COL5A1: variants seen among roughly 807,000 people sequenced by gnomAD.
The protein encoded by COL5A1 is collagen type V alpha 1 chain.
A neutral mutation model predicts 263.7 loss-of-function variants in COL5A1; 16 were observed. The observed-to-expected ratio is 0.06, with a 90% CI of 0.04 to 0.09. The LOEUF (loss-of-function observed/expected upper bound fraction) is 0.09, where lower values mean the gene tolerates loss of function less well. Ranked by LOEUF, COL5A1 falls within the 10% of genes least tolerant of loss-of-function variation. The pLI, the probability that COL5A1 is intolerant of heterozygous loss-of-function variation, is 1.00. For synonymous variants in COL5A1, 1,012 were observed against 1,004.5 expected (o/e 1.01, Z -0.14); for missense variants, 2,036 against 2,540.5 (o/e 0.80, Z 4.27).
intron 1 of COL5A1, among the ~76,000 whole-genome samples, chr9:134,653,630 C>T (rs982464466): frequency 5.3e-5 from 8 of 152,220 alleles, no homozygotes; most frequent in African/African-American, 1.9e-4. Context: ...GGACCAGGCT[C>T]TGCAGAGCCA....
chr9:134,695,252 C>G (rs889199560), intron 2 of COL5A1, among the ~76,000 whole-genome samples: 20 of 152,342 alleles, frequency 1.3e-4, no homozygotes, highest in Middle Eastern at 6.8e-3. Flanking sequence ...TGCCCACACC[C>G]CCCTGCCCCT....
chr9:134,833,723 C>T (rs1403180845), intron 64 of COL5A1, among the ~76,000 whole-genome samples: 3 of 152,220 alleles, frequency 2.0e-5, no homozygotes, highest in South Asian at 2.1e-4. Context: ...GCTCACTCCC[C>T]GAGGCCTCGT....
chr9:134,752,269 A>T (rs1331145610), intron 13 of COL5A1, among the ~76,000 whole-genome samples: 2 of 150,462 alleles, frequency 1.3e-5, no homozygotes, highest in African/African-American at 2.5e-5. Context: ...GCCAAGGGTG[A>T]TGGGCTGGGA....
Position 134,752,282 on chromosome 9 carries a change from A to C in COL5A1, c.1663-307A>C, listed in dbSNP as rs575233364. Among the ~76,000 whole-genome samples, 40 of 150,532 alleles carry C rather than the reference A, an allele frequency of 2.7e-4. 1 individual carries two copies. The highest frequency in any genetic ancestry group is 3.4e-3 in the Middle Eastern group (1 of 294). On this transcript the variant is annotated intron_variant, in intron 13 of 65. Transcript: ENST00000371817. ...TAGCCAAGGGTGATGGGCTGGGAGC[A>C]GGCCCTCTCTGTGTGGGCTAGAGAG...
intron 1 of COL5A1, among the ~76,000 whole-genome samples, chr9:134,669,220 C>CCCTCCCTTCCCTTT (rs1832455120): frequency 1.2e-5 from 1 of 85,874 alleles, no homozygotes; most frequent in Non-Finnish European, 2.2e-5. Flanking sequence ...CTTTTCCCTT[C>CCCTCCCTTCCCTTT]CCTTCCCTTC....
At chr9:134,782,772 C>A in intron 29 of COL5A1, 52 bp downstream of exon 29, 1 of 1,541,132 alleles carries the variant, frequency 6.5e-7, no homozygotes, top group Non-Finnish European at 9.0e-7. Context: ...GTGGGCTTGG[C>A]CGTGTGGGAG....
intron 2 of COL5A1, among the ~76,000 whole-genome samples, chr9:134,692,884 C>T (rs1833332354): frequency 1.3e-5 from 2 of 151,974 alleles, no homozygotes; most frequent in Admixed American, 1.3e-4. Flanking sequence ...ACCAGCCTGG[C>T]CAACATAGTG....
Position 134,682,643 on chromosome 9 carries a change from A to G in COL5A1, c.110-8269A>G, listed in dbSNP as rs562111934. On this transcript the variant is annotated intron_variant, in intron 1 of 65. Transcript: ENST00000371817. This position sits in a 1 kb window ranked among gnomAD's most constrained non-coding sequence, Gnocchi z 5.1. Reference sequence around the variant, plus strand: ...AGTCAGAACTGAGGGGCACTCCTTGACTGGAAAGTAACAGTGGGCACTGCT... The same window carrying G: ...AGTCAGAACTGAGGGGCACTCCTTGGCTGGAAAGTAACAGTGGGCACTGCT... Among the ~76,000 whole-genome samples the G allele has an allele frequency of 6.6e-6, 1 of 152,298 alleles. No individual in the cohort carries two copies. The highest frequency in any genetic ancestry group is 2.1e-4 in the South Asian group (1 of 4,824).
At chr9:134,692,411 T>G (rs1425602224) in intron 2 of COL5A1, among the ~76,000 whole-genome samples, 1 of 152,172 alleles carries the variant, frequency 6.6e-6, no homozygotes. Flanking sequence ...GAGCATCTCT[T>G]TTGGAATTAG....
At chr9:134,731,921 C>A in intron 8 of COL5A1, 150 bp from the exon 9 acceptor site, 1 of 982,492 alleles carries the variant, frequency 1.0e-6, no homozygotes, top group South Asian at 1.3e-5. Flanking sequence ...TGGCCTCTGT[C>A]ACGCTCCTGC....
At position 134,716,876 on chromosome 9, in the gene COL5A1, G is replaced by T. The variant is rs903273168; in HGVS notation, c.655-10390G>T. On this transcript the variant is annotated intron_variant, in intron 4 of 65. Coordinates refer to ENST00000371817, the MANE Select transcript of COL5A1 (RefSeq NM_000093.5). This position sits in a 1 kb window ranked among gnomAD's most constrained non-coding sequence, Gnocchi z 4.5. ...GGGCTGGTGGCTGCAGGTGAGAATTGGACTGGGACTGGAGGCAGCGAGCGA... is the reference window on the plus strand; with the variant it reads ...GGGCTGGTGGCTGCAGGTGAGAATTTGACTGGGACTGGAGGCAGCGAGCGA... 6.6e-6 allele frequency among the ~76,000 whole-genome samples: 1 copy of T among 152,186 alleles called. No individual in the cohort carries two copies. The highest frequency in any genetic ancestry group is 2.4e-5 in the African/African-American group (1 of 41,440).
chr9:134,796,793 A>C, intron 35 of COL5A1, 55 bp from the exon 36 acceptor site: 3 of 1,535,536 alleles, frequency 2.0e-6, no homozygotes, highest in Non-Finnish European at 2.7e-6. Context: ...GGTCAGCGGC[A>C]GGAGCTGCTC....
intron 4 of COL5A1, among the ~76,000 whole-genome samples, chr9:134,722,783 C>T (rs1462189928): frequency 6.6e-6 from 1 of 151,986 alleles, no homozygotes; most frequent in African/African-American, 2.4e-5. Flanking sequence ...GAAACATGGG[C>T]CAGGAGCCTC....
chr9:134,766,382 G>A (rs1349471031), intron 21 of COL5A1, 72 bp from the exon 22 acceptor site: 2 of 1,483,836 alleles, frequency 1.3e-6, no homozygotes, highest in African/African-American at 1.4e-5. Context: ...GAGTTGAGTG[G>A]GATTTTCCTC....
At chr9:134,783,907 C>A (rs1837356761) in intron 29 of COL5A1, among the ~76,000 whole-genome samples, 1 of 150,098 alleles carries the variant, frequency 6.7e-6, no homozygotes, top group East Asian at 2.0e-4. Context: ...TTTTCTCCTC[C>A]TTTCTGATGC....
At position 134,792,745 on chromosome 9, in the gene COL5A1, G is replaced by A. The variant is rs563874544; in HGVS notation, c.2701-2337G>A. On this transcript the variant is annotated intron_variant, in intron 32 of 65. Coordinates refer to ENST00000371817, the MANE Select transcript of COL5A1 (RefSeq NM_000093.5). ...GCTAGGATGCCAGGCCTGAGTGTCC[G>A]CATGCATGCGTGCATGTGTGTGTGT... Among the ~76,000 whole-genome samples the A allele has an allele frequency of 4.0e-5, 6 of 151,086 alleles. No homozygotes were observed. In the South Asian group the frequency reaches 6.4e-4, roughly 16 times the overall value.
At chr9:134,824,445 G>A (rs966751463) in intron 61 of COL5A1, among the ~76,000 whole-genome samples, 155 bp from the exon 62 acceptor site, 6 of 152,220 alleles carry the variant, frequency 3.9e-5, no homozygotes, top group Admixed American at 1.3e-4. Flanking sequence ...GGAAGGGATG[G>A]AAACAGTTCT....
chr9:134,677,139 G>T lies in COL5A1; in HGVS notation c.110-13773G>T, dbSNP rs529239310. On this transcript the variant is annotated intron_variant, in intron 1 of 65. Transcript: ENST00000371817. The surrounding 1 kb of genome is among the most constrained non-coding windows in gnomAD (Gnocchi z 4.4). The stretch of plus-strand genomic sequence containing the variant: ...CCATCCCCTCGTGATTGGTGGCAGG[G>T]CCTCTCATCTTCCTTGAGCTTCATG... 1.3e-5 allele frequency among the ~76,000 whole-genome samples: 2 copies of T among 152,326 alleles called. No individual in the cohort carries two copies. Among genetic ancestry groups the T allele is most frequent in the African/African-American group, 4.8e-5 (2 of 41,580 alleles).
intron 5 of COL5A1, among the ~76,000 whole-genome samples, chr9:134,728,096 G>T (rs1170585844): frequency 6.6e-6 from 1 of 152,238 alleles, no homozygotes; most frequent in South Asian, 2.1e-4. Context: ...AAGAAGGAAG[G>T]GTAGCTTTCA....
Sources: allele counts gnomAD v4.1 joint callset (sites outside exome capture counted in the v4.1 genomes callset), GRCh38; gene constraint gnomAD v4.1.1; non-coding constraint Gnocchi (gnomAD v3.1); transcripts MANE v1.5; gene names NCBI Gene and HGNC (gene_info 2026-07-23, HGNC 2026-07-21).